The following RAB3C variants were observed in gnomAD, a reference collection of about 807,000 sequenced individuals.
The protein encoded by RAB3C is RAB3C, member RAS oncogene family.
RAB3C carries 17 observed loss-of-function variants against 26.4 expected under a neutral mutation model. That is an observed-to-expected ratio of 0.64 (90% CI 0.44 to 0.97). The LOEUF (loss-of-function observed/expected upper bound fraction) is 0.97. Ranked by LOEUF, RAB3C falls within the 50% of genes least tolerant of loss-of-function variation. RAB3C has a pLI of 0.00. For missense variants in RAB3C, 242 were observed against 281.9 expected, an observed-to-expected ratio of 0.86 and a Z score of 1.01; for synonymous variants, 91 against 95.9, an observed-to-expected ratio of 0.95 and a Z score of 0.30.
At chr5:58,711,658 T>C (rs566545736) in intron 2 of RAB3C, among the ~76,000 whole-genome samples, 3 of 152,298 alleles carry the variant, frequency 2.0e-5, no homozygotes, top group Admixed American at 6.5e-5. Context: ...CTTGAGAAGA[T>C]AGATGATATC....
At chr5:58,700,752 A>G (rs1229327888) in intron 2 of RAB3C, among the ~76,000 whole-genome samples, 2 of 152,238 alleles carry the variant, frequency 1.3e-5, no homozygotes, top group African/African-American at 4.8e-5. Context: ...TGTATTTAAA[A>G]ATAGATATTC....
At chr5:58,627,999 T>C (rs1162369840) in intron 2 of RAB3C, among the ~76,000 whole-genome samples, 1 of 151,520 alleles carries the variant, frequency 6.6e-6, no homozygotes, top group East Asian at 1.9e-4. Context: ...CTACTAAAAA[T>C]ACAAAAAGTT....
intron 3 of RAB3C, among the ~76,000 whole-genome samples, chr5:58,799,707 G>A (rs1742761528): frequency 6.6e-6 from 1 of 152,106 alleles, no homozygotes; most frequent in South Asian, 2.1e-4. Flanking sequence ...CCTCTTATAT[G>A]AATATTACTG....
intron 3 of RAB3C, among the ~76,000 whole-genome samples, chr5:58,764,082 G>A (rs1339152672): frequency 2.0e-5 from 3 of 152,180 alleles, no homozygotes; most frequent in African/African-American, 7.2e-5. Context: ...GCCTAATTTG[G>A]TATCATATAT....
chr5:58,641,526 G>A (rs1245890312), intron 2 of RAB3C, among the ~76,000 whole-genome samples: 3 of 152,188 alleles, frequency 2.0e-5, no homozygotes, highest in Non-Finnish European at 2.9e-5. Flanking sequence ...CTCCATTTCT[G>A]ATTTTTTCTT....
At chr5:58,629,813 GT>G (rs1427872096) in intron 2 of RAB3C, among the ~76,000 whole-genome samples, 1 of 152,206 alleles carries the variant, frequency 6.6e-6, no homozygotes, top group African/African-American at 2.4e-5. Flanking sequence ...GAAGCTGTCA[GT>G]GATTAATCAA....
chr5:58,668,951 G>C (rs925250110), intron 2 of RAB3C, among the ~76,000 whole-genome samples: 2 of 152,092 alleles, frequency 1.3e-5, no homozygotes, highest in Non-Finnish European at 2.9e-5. Flanking sequence ...TTCCTGGAAA[G>C]GACTCTCTTC....
intron 2 of RAB3C, among the ~76,000 whole-genome samples, chr5:58,632,195 AGCCTGGGTGAACAGTTTTTTAC>A: frequency 6.6e-6 from 1 of 152,214 alleles, no homozygotes; most frequent in African/African-American, 2.4e-5. Flanking sequence ...AGAAACTAGA[AGCCTGGGTGAACAGTTTTTTAC>A]GCTGGGGTTT....
chr5:58,593,443 G>C (rs1015802830), intron 1 of RAB3C, among the ~76,000 whole-genome samples: 13 of 152,036 alleles, frequency 8.6e-5, no homozygotes, highest in Non-Finnish European at 4.4e-5. Flanking sequence ...TTAGTGCTTT[G>C]ATTATCTTTT....
intron 4 of RAB3C, among the ~76,000 whole-genome samples, chr5:58,838,392 AAC>A (rs1223658138): frequency 6.6e-6 from 1 of 151,972 alleles, no homozygotes; most frequent in Non-Finnish European, 1.5e-5. Context: ...AAAAAAAAAA[AAC>A]TTTTTGTTTC....
intron 4 of RAB3C, chr5:58,848,519 C>A (rs764808421): frequency 6.6e-6 from 1 of 152,164 alleles, no homozygotes; most frequent in African/African-American, 2.4e-5. Flanking sequence ...GAGCAAATTA[C>A]GGAGCCATTT....
intron 3 of RAB3C, among the ~76,000 whole-genome samples, chr5:58,729,134 G>GT (rs1421591820): frequency 6.6e-6 from 1 of 151,830 alleles, no homozygotes; most frequent in Non-Finnish European, 1.5e-5. Flanking sequence ...TGCAGATCAC[G>GT]TAAGACCTAG....
chr5:58,697,288 C>G (rs1284561107), intron 2 of RAB3C, among the ~76,000 whole-genome samples: 2 of 152,146 alleles, frequency 1.3e-5, no homozygotes, highest in Non-Finnish European at 2.9e-5. Flanking sequence ...GTGTGAGAGA[C>G]AGTTTGTTGT....
intron 3 of RAB3C, among the ~76,000 whole-genome samples, chr5:58,797,895 T>C (rs1742710110): frequency 6.6e-6 from 1 of 152,172 alleles, no homozygotes; most frequent in African/African-American, 2.4e-5. Flanking sequence ...TAACTTCTGG[T>C]GCACAGGATA....
chr5:58,798,416 G>C (rs1472319769), intron 3 of RAB3C, among the ~76,000 whole-genome samples: 1 of 152,214 alleles, frequency 6.6e-6, no homozygotes, highest in Admixed American at 6.5e-5. Context: ...GCCTCGTGAT[G>C]GTTTGTCATG....
chr5:58,691,666 A>G (rs1345487500), intron 2 of RAB3C, among the ~76,000 whole-genome samples: 1 of 152,190 alleles, frequency 6.6e-6, no homozygotes, highest in Non-Finnish European at 1.5e-5. Context: ...CATATTACTG[A>G]AAGCTTCTGG....
intron 2 of RAB3C, among the ~76,000 whole-genome samples, chr5:58,682,583 C>T (rs1363282904): frequency 1.3e-5 from 2 of 151,694 alleles, no homozygotes; most frequent in Non-Finnish European, 2.9e-5. Context: ...ACTGGAGAGG[C>T]TGAGGCGGGA....
At chr5:58,795,417 T>G (rs915457822) in intron 3 of RAB3C, among the ~76,000 whole-genome samples, 2 of 152,216 alleles carry the variant, frequency 1.3e-5, no homozygotes, top group African/African-American at 4.8e-5. Flanking sequence ...ATTTCCATTC[T>G]ATCACCTGGC....
At chr5:58,824,955 A>C in intron 3 of RAB3C, 83 bp from the exon 4 acceptor site, 1 of 928,622 alleles carries the variant, frequency 1.1e-6, no homozygotes, top group South Asian at 1.9e-5. Flanking sequence ...TACCATCATC[A>C]TCTGTGGAAT....
Sources: allele counts gnomAD v4.1 joint callset (sites outside exome capture counted in the v4.1 genomes callset), GRCh38; gene constraint gnomAD v4.1.1; transcripts MANE v1.5; gene names NCBI Gene and HGNC (gene_info 2026-07-23, HGNC 2026-07-21).